BIRC5: variants seen among roughly 807,000 people sequenced by gnomAD.
The protein encoded by BIRC5 is baculoviral IAP repeat-containing protein 5.
Under a neutral mutation model 15.8 loss-of-function variants are expected in BIRC5, and 8 were observed. The observed-to-expected ratio is 0.51, with a 90% confidence interval of 0.30 to 0.91. The LOEUF is 0.91. Among genes scored for constraint, BIRC5 ranks in the 40% least tolerant of loss-of-function variants. BIRC5 has a pLI of 0.07. For synonymous variants in BIRC5, 56 were observed against 64.5 expected (o/e 0.87, Z 0.63); for missense variants, 163 against 178.6 (o/e 0.91, Z 0.50).
In BIRC5 at chr17:78,223,768, G is replaced by C. The variant is rs1047418031; in HGVS notation, c.*214G>C. 6 of 1,067,252 alleles carry C rather than the reference G, an allele frequency of 5.6e-6. No individual in the cohort carries two copies. Among genetic ancestry groups the C allele is most frequent in the Non-Finnish European group, 7.6e-6 (6 of 794,512 alleles). The allele number at this position is 1,067,252 out of a possible 1,614,324, so 66.1% of individuals were successfully genotyped here. ...TGCAGCGGGTGCTGCTGGTAACAGT[G>C]GCTGCTTCTCTCTCTCTCTCTCTTT... is the stretch of plus-strand genomic sequence containing the variant. On this transcript the variant is annotated 3_prime_UTR_variant, in exon 4 of 4. Transcript: ENST00000350051.
chr17:78,223,367 T>C, intron 3 of BIRC5, 98 bp from the exon 4 acceptor site: 1 of 1,199,380 alleles, frequency 8.3e-7, no homozygotes, highest in Non-Finnish European at 1.1e-6. Context: ...AGGTGCTCTC[T>C]CAGTGTTCCC....
intron 3 of BIRC5, chr17:78,223,092 A>C (rs755750947): frequency 1.6e-5 from 19 of 1,189,350 alleles, no homozygotes; most frequent in Middle Eastern, 2.9e-4. Flanking sequence ...CTAGCTGGGT[A>C]CTTTGAGTGG....
chr17:78,214,935 A>C, intron 2 of BIRC5, 146 bp downstream of exon 2: 1 of 726,364 alleles, frequency 1.4e-6, no homozygotes, highest in Non-Finnish European at 2.3e-6. Context: ...ACCTCTCTAT[A>C]TGCTGGTGCC....
chr17:78,225,541 G>A lies in BIRC5; in HGVS notation c.*1987G>A, dbSNP rs982695283. On this transcript the variant is annotated 3_prime_UTR_variant, in exon 4 of 4. Transcript: ENST00000350051. The stretch of plus-strand genomic sequence containing the variant: ...ACAGCAGTGCCCGCTGCCCAGAAGA[G>A]ACCAGCAAGCCAAACTGGAGCCCCC... 1 of 152,266 alleles carries A rather than the reference G, an allele frequency of 6.6e-6. No individual in the cohort carries two copies. Among genetic ancestry groups the A allele is most frequent in the Admixed American group, 6.5e-5 (1 of 15,278 alleles). The allele number at this position is 152,266 out of a possible 1,614,324, so 9.4% of individuals were successfully genotyped here.
intron 3 of BIRC5, among the ~76,000 whole-genome samples, chr17:78,218,128 C>T (rs17879748): frequency 0.077 from 11,605 of 150,874 alleles, 640 homozygotes; most frequent in Middle Eastern, 0.2. Flanking sequence ...ATTTTTAAAG[C>T]CCCTAGGATG....
chr17:78,223,228 C>T (rs377045896), intron 3 of BIRC5, among the ~76,000 whole-genome samples: 2 of 152,194 alleles, frequency 1.3e-5, no homozygotes, highest in African/African-American at 4.8e-5. Flanking sequence ...GGGTGCATAC[C>T]AAGCACTCCG....
intron 3 of BIRC5, among the ~76,000 whole-genome samples, chr17:78,219,448 G>A (rs2076501545): frequency 6.6e-6 from 1 of 152,214 alleles, no homozygotes; most frequent in South Asian, 2.1e-4. Context: ...GCATCCCAAA[G>A]TGCTGGGATT....
At chr17:78,222,685 T>C in intron 3 of BIRC5, 1 of 1,233,358 alleles carries the variant, frequency 8.1e-7, no homozygotes, top group Non-Finnish European at 1.1e-6. Context: ...GTAATTTTTT[T>C]TAAGTTAACC....
intron 3 of BIRC5, among the ~76,000 whole-genome samples, chr17:78,220,875 G>A (rs967991638): frequency 6.6e-6 from 1 of 151,898 alleles, no homozygotes; most frequent in African/African-American, 2.4e-5. Flanking sequence ...TGCGTGTGTT[G>A]CGCTATACAA....
intron 2 of BIRC5, chr17:78,215,949 G>T: frequency 2.8e-6 from 3 of 1,066,124 alleles, no homozygotes; most frequent in Non-Finnish European, 3.5e-6. Context: ...GCCCTTCTCT[G>T]CCCTTAATCC....
At chr17:78,216,815 G>A (rs1222349344) in intron 3 of BIRC5, 34 bp downstream of exon 3, 1 of 1,526,150 alleles carries the variant, frequency 6.6e-7, no homozygotes, top group Non-Finnish European at 9.0e-7. Context: ...CTCAAACCCT[G>A]TTCAATGTCT....
chr17:78,218,242 A>T (rs1231872579), intron 3 of BIRC5, among the ~76,000 whole-genome samples: 1 of 151,904 alleles, frequency 6.6e-6, no homozygotes, highest in Admixed American at 6.6e-5. Flanking sequence ...TTAGTCATTT[A>T]TCTGAAGTTG....
chr17:78,218,225 T>G (rs1296568367), intron 3 of BIRC5, among the ~76,000 whole-genome samples: 3 of 152,086 alleles, frequency 2.0e-5, no homozygotes, highest in Non-Finnish European at 4.4e-5. Context: ...CAGTATTTAC[T>G]AGAAACTTAG....
intron 2 of BIRC5, 48 bp from the exon 3 acceptor site, chr17:78,216,616 G>A (rs367598501): frequency 2.0e-4 from 309 of 1,565,898 alleles, no homozygotes; most frequent in Non-Finnish European, 2.5e-4. Flanking sequence ...GTGGACTGCC[G>A]CTTTAATCCC....
At position 78,217,793 on chromosome 17, in the gene BIRC5, G is replaced by A. The variant is rs140001249; in HGVS notation, c.339+1012G>A. 2.7e-3 allele frequency among the ~76,000 whole-genome samples: 403 copies of A among 151,434 alleles called. 5 individuals are homozygous for A. Among genetic ancestry groups the A allele is most frequent in the African/African-American group, 9.4e-3 (387 of 41,256 alleles). ...ATTACAGGTGTGAGCCACCACACCC[G>A]GCTATTTTTATTTTTTTGAGACAGG... On this transcript the variant is annotated intron_variant, in intron 3 of 3. Coordinates refer to ENST00000350051, the MANE Select transcript of BIRC5 (RefSeq NM_001168.3).
chr17:78,217,733 G>A (rs1195350590), intron 3 of BIRC5, among the ~76,000 whole-genome samples: 3 of 151,370 alleles, frequency 2.0e-5, no homozygotes, highest in African/African-American at 4.9e-5. Context: ...TCCTGACCTC[G>A]TGATCTGCCT....
chr17:78,221,645 T>C (rs1192769849), intron 3 of BIRC5, among the ~76,000 whole-genome samples: 1 of 152,182 alleles, frequency 6.6e-6, no homozygotes, highest in Non-Finnish European at 1.5e-5. Flanking sequence ...TGTTTTGTCT[T>C]TCAATAGCAA....
chr17:78,221,796 T>A (rs2076517375), intron 3 of BIRC5, among the ~76,000 whole-genome samples: 1 of 152,208 alleles, frequency 6.6e-6, no homozygotes, highest in East Asian at 1.9e-4. Context: ...GAGAAGAAAC[T>A]GAATAATCCA....
Position 78,216,691 on chromosome 17 carries a change from T to C in BIRC5, c.249T>C (p.Gly83=). Residue 83 remains glycine, a synonymous_variant, in exon 3 of 4, where the codon GGT becomes GGC. Coordinates refer to ENST00000350051, the MANE Select transcript of BIRC5 (RefSeq NM_001168.3). Reference sequence around the variant, plus strand: ...AGGAACATAAAAAGCATTCGTCCGGTTGCGCTTTCCTTTCTGTCAAGAAGC... The same window carrying C: ...AGGAACATAAAAAGCATTCGTCCGGCTGCGCTTTCCTTTCTGTCAAGAAGC... ...PIEEHKKHSS[G]CAFLSVKKQF... is the part of the protein sequence containing the mutation. 1 of 1,613,910 alleles carries C rather than the reference T, an allele frequency of 6.2e-7. No homozygotes were observed. The highest frequency in any genetic ancestry group is 8.5e-7 in the Non-Finnish European group (1 of 1,179,886).
Sources: allele counts gnomAD v4.1 joint callset (sites outside exome capture counted in the v4.1 genomes callset), GRCh38; gene constraint gnomAD v4.1.1; transcripts MANE v1.5; gene names NCBI Gene and HGNC (gene_info 2026-07-23, HGNC 2026-07-21).